MTHFD1L: variants seen among roughly 807,000 people sequenced by gnomAD.
MTHFD1L encodes methylenetetrahydrofolate dehydrogenase (NADP+ dependent) 1 like, also known as monofunctional C1-tetrahydrofolate synthase, mitochondrial.
Under a neutral mutation model 119.5 loss-of-function variants are expected in MTHFD1L, and 81 were observed. The observed-to-expected ratio is 0.68, with a 90% CI of 0.57 to 0.82. MTHFD1L has a LOEUF of 0.82. Ranked by LOEUF, MTHFD1L falls within the 40% of genes least tolerant of loss-of-function variation. MTHFD1L has a pLI of 0.00. For missense variants in MTHFD1L, 1,125 were observed against 1,253.4 expected (o/e 0.90, Z 1.55); for synonymous variants, 430 against 475.2 (o/e 0.90, Z 1.24).
chr6:151,056,099 C>A (rs748414964), intron 26 of MTHFD1L: 1 of 152,180 alleles, frequency 6.6e-6, no homozygotes, highest in Non-Finnish European at 1.5e-5. Context: ...CTGGCTGACC[C>A]GTCACTTGCA....
intron 19 of MTHFD1L, among the ~76,000 whole-genome samples, chr6:150,971,466 G>A (rs577469): frequency 1.5e-4 from 23 of 151,780 alleles, no homozygotes; most frequent in African/African-American, 4.8e-4. Flanking sequence ...CCCAAAGTAC[G>A]GGGATTACAG....
chr6:150,991,082 C>T (rs916258526), intron 20 of MTHFD1L, among the ~76,000 whole-genome samples: 2 of 152,044 alleles, frequency 1.3e-5, no homozygotes, highest in African/African-American at 4.8e-5. Context: ...CTCTTGAACT[C>T]GTGACCTCAG....
rs150969919 is a variant in MTHFD1L, at chr6:150,960,350, G to T, written c.1879G>T (p.Ala627Ser). ...ALTDSLADMK[A>S]RLGRMVVASD... ...GACGGACAGCCTCGCAGACATGAAG[G>T]CACGGCTGGGAAGGATGGTGGTGGC... is the stretch of plus-strand genomic sequence containing the variant. Residue 627 changes from alanine (A) to serine (S), a missense_variant, in exon 18 of 28, where the codon GCA becomes TCA. By Grantham distance (99) the Ala-to-Ser change is moderately conservative. Coordinates refer to ENST00000367321, the MANE Select transcript of MTHFD1L (RefSeq NM_015440.5). 6.8e-6 allele frequency: 11 copies of T among 1,614,110 alleles called. No homozygotes were observed. Among genetic ancestry groups the T allele is most frequent in the Middle Eastern group, 3.3e-4 (2 of 6,058 alleles).
At chr6:150,956,960 C>T (rs17429594) in intron 17 of MTHFD1L, among the ~76,000 whole-genome samples, 4,858 of 152,216 alleles carry the variant, frequency 0.032, 87 homozygotes, top group Non-Finnish European at 0.038. Context: ...TGCTAGCAAA[C>T]TGGAATCATT....
At chr6:151,052,860 A>G (rs1457003603) in intron 26 of MTHFD1L, among the ~76,000 whole-genome samples, 6 of 152,304 alleles carry the variant, frequency 3.9e-5, no homozygotes, top group Admixed American at 3.9e-4. Context: ...GCCCAGCCCC[A>G]GGATGGATCT....
chr6:150,939,683 CT>C (rs751835547), intron 13 of MTHFD1L, among the ~76,000 whole-genome samples: 1,136 of 108,422 alleles, frequency 0.01, 17 homozygotes, highest in African/African-American at 0.037. Flanking sequence ...CTTGCAGACT[CT>C]TTTTTTTTTT....
chr6:151,048,999 G>C (rs1788552552), intron 26 of MTHFD1L, among the ~76,000 whole-genome samples: 1 of 152,142 alleles, frequency 6.6e-6, no homozygotes, highest in South Asian at 2.1e-4. Context: ...CATGAGACCA[G>C]CCCCACTTCA....
chr6:150,977,555 A>G (rs1776763168), intron 20 of MTHFD1L, among the ~76,000 whole-genome samples: 1 of 152,238 alleles, frequency 6.6e-6, no homozygotes, highest in African/African-American at 2.4e-5. Flanking sequence ...ATTACATTTA[A>G]AAAATAAAGC....
intron 24 of MTHFD1L, among the ~76,000 whole-genome samples, chr6:151,022,694 A>G (rs1267474677): frequency 6.6e-6 from 1 of 152,064 alleles, no homozygotes; most frequent in Non-Finnish European, 1.5e-5. Context: ...CCATCTTCAG[A>G]CACGCCCAGG....
At chr6:150,947,869 C>A (rs901447102) in intron 15 of MTHFD1L, among the ~76,000 whole-genome samples, 1 of 152,176 alleles carries the variant, frequency 6.6e-6, no homozygotes, top group African/African-American at 2.4e-5. Flanking sequence ...ATCTTCAGAT[C>A]AATCCTTTTC....
intron 26 of MTHFD1L, among the ~76,000 whole-genome samples, chr6:151,049,820 CT>C (rs1443947419): frequency 4.6e-5 from 7 of 152,130 alleles, no homozygotes; most frequent in Non-Finnish European, 1.0e-4. Flanking sequence ...TCCCATAAAC[CT>C]TCTTACAGCC....
At chr6:150,866,130 G>C in intron 1 of MTHFD1L, 81 bp downstream of exon 1, 2 of 1,436,356 alleles carry the variant, frequency 1.4e-6, no homozygotes, top group Non-Finnish European at 1.8e-6. Context: ...GGACCGCCGT[G>C]GGGAGCGGGG....
intron 26 of MTHFD1L, among the ~76,000 whole-genome samples, chr6:151,072,458 A>G (rs567266489): frequency 6.6e-6 from 1 of 152,338 alleles, no homozygotes; most frequent in South Asian, 2.1e-4. Context: ...TTATAAGACA[A>G]TATTATCTCA....
intron 26 of MTHFD1L, among the ~76,000 whole-genome samples, chr6:151,054,683 C>T (rs983203101): frequency 2.0e-5 from 3 of 152,110 alleles, no homozygotes; most frequent in African/African-American, 7.2e-5. Flanking sequence ...TCTTTCTACC[C>T]CCAAATAATC....
At chr6:151,090,724 T>C (rs1350137567) in intron 26 of MTHFD1L, among the ~76,000 whole-genome samples, 3 of 152,258 alleles carry the variant, frequency 2.0e-5, no homozygotes, top group Non-Finnish European at 4.4e-5. Context: ...CGCAGCCTCA[T>C]CTCATGCAAG....
At position 151,039,266 on chromosome 6, in the gene MTHFD1L, TG is replaced by T. The variant is rs909727230; in HGVS notation, c.2847+2152del. Among the ~76,000 whole-genome samples the T allele has an allele frequency of 5.3e-5, 8 of 152,042 alleles. No individual in the cohort carries two copies. The highest frequency in any genetic ancestry group is 3.9e-4 in the Admixed American group (6 of 15,268). ...CACAGGGAGAAGGGCCTGGATGAAA[TG>T]GGTTCTGAATGACATTTTCAGGTCT... On this transcript the variant is annotated intron_variant, in intron 26 of 27. Coordinates refer to ENST00000367321, the MANE Select transcript of MTHFD1L (RefSeq NM_015440.5). This position sits in a 1 kb window ranked among gnomAD's most constrained non-coding sequence, Gnocchi z 4.4.
chr6:151,054,577 A>G lies in MTHFD1L; in HGVS notation c.2847+17460A>G, dbSNP rs376784589. On this transcript the variant is annotated intron_variant, in intron 26 of 27. Transcript: ENST00000367321. Reference sequence around the variant, plus strand: ...TGCTCTCTACGTCATTACTTTAAAAACAAAAACTCGGCCAGCAGCAGTTCA... The same window carrying G: ...TGCTCTCTACGTCATTACTTTAAAAGCAAAAACTCGGCCAGCAGCAGTTCA... Among the ~76,000 whole-genome samples, 21 of 152,312 alleles carry G rather than the reference A, an allele frequency of 1.4e-4. No individual in the cohort carries two copies. The East Asian group carries it at 2.5e-3, about 18-fold the overall frequency.
chr6:151,078,171 T>C (rs1792771141), intron 26 of MTHFD1L, among the ~76,000 whole-genome samples: 1 of 151,934 alleles, frequency 6.6e-6, no homozygotes, highest in South Asian at 2.1e-4. Context: ...TAGCGCCCTT[T>C]TTCTCAAGAA....
chr6:151,088,748 C>T (rs1011245703), intron 26 of MTHFD1L, among the ~76,000 whole-genome samples: 40 of 151,906 alleles, frequency 2.6e-4, no homozygotes, highest in African/African-American at 7.2e-4. Flanking sequence ...TGAGCCACTG[C>T]GCCCGGCCTG....
Sources: gnomAD v4.1 joint callset for allele counts (sites outside exome capture counted in the v4.1 genomes callset) on GRCh38, gnomAD v4.1.1 for gene constraint, Gnocchi (gnomAD v3.1) non-coding constraint, MANE v1.5 for transcripts, NCBI Gene and HGNC (gene_info 2026-07-23, HGNC 2026-07-21) for gene names.